AIFM3: variants seen among roughly 807,000 people sequenced by gnomAD.
AIFM3 encodes apoptosis-inducing factor 3.
In AIFM3, 71 loss-of-function variants were observed where a neutral mutation model predicts 82.7. The observed-to-expected ratio is 0.86, with a 90% CI of 0.71 to 1.05. AIFM3 has a LOEUF of 1.05. Ranked by LOEUF, AIFM3 falls within the 50% of genes least tolerant of loss-of-function variation. AIFM3 has a pLI of 0.00. For synonymous variants in AIFM3, 337 were observed against 329.1 expected, an observed-to-expected ratio of 1.02 and a Z score of -0.26; for missense variants, 748 against 816.7, an observed-to-expected ratio of 0.92 and a Z score of 1.03.
chr22:20,979,454 G>T (rs112262242), intron 17 of AIFM3, 85 bp downstream of exon 17: 1 of 1,475,856 alleles, frequency 6.8e-7, no homozygotes, highest in Non-Finnish European at 9.3e-7. Context: ...GAGCCTAGGG[G>T]CAGGGCTATG....
chr22:20,970,379 T>C (rs1314003292), intron 2 of AIFM3, among the ~76,000 whole-genome samples: 1 of 152,204 alleles, frequency 6.6e-6, no homozygotes, highest in Non-Finnish European at 1.5e-5. Flanking sequence ...CTAGAACTCC[T>C]GGGCTCAAGT....
rs1263249231 is a variant in AIFM3 at position 20,976,930 on chromosome 22, G to T, written c.1210G>T (p.Glu404Ter). 2 of 1,611,508 alleles carry T rather than the reference G, an allele frequency of 1.2e-6. No individual in the cohort carries two copies. Among genetic ancestry groups the T allele is most frequent in the Non-Finnish European group, 1.7e-6 (2 of 1,178,054 alleles). The change falls in exon 13 of 21, where the codon GAG becomes TAG. Residue 404 changes from glutamate to a stop codon, truncating the protein, a stop_gained. Coordinates refer to ENST00000440238, the MANE Select transcript of AIFM3 (RefSeq NM_001386814.1). LOFTEE classifies it high-confidence loss of function. ...QTEVSELRGQ[E>*]GKLKEVVLKS... The stretch of plus-strand genomic sequence containing the variant: ...GGAGGTGTCTGAGCTGCGGGGCCAG[G>T]AGGGAAAGGTGGGCCCTTCTCCCTT...
At chr22:20,970,754 C>G (rs1395219913) in intron 2 of AIFM3, among the ~76,000 whole-genome samples, 1 of 152,214 alleles carries the variant, frequency 6.6e-6, no homozygotes, top group Admixed American at 6.5e-5. Context: ...AGCCATCATT[C>G]CCGGCCAACT....
chr22:20,977,104 G>C lies in AIFM3; in HGVS notation c.1282+9G>C. ...CTGCGTGGTGGGCATTGGTGAGTTG[G>C]TGTGTGGGCAGGCAGGCACAAAGCA... On this transcript the variant is annotated intron_variant, in intron 14 of 20. Transcript: ENST00000440238. 1 of 1,613,990 alleles carries C rather than the reference G, an allele frequency of 6.2e-7. No individual in the cohort carries two copies. The highest frequency in any genetic ancestry group is 8.5e-7 in the Non-Finnish European group (1 of 1,180,014).
intron 8 of AIFM3, among the ~76,000 whole-genome samples, 177 bp downstream of exon 8, chr22:20,974,993 C>T (rs1923544496): frequency 1.3e-5 from 2 of 152,206 alleles, no homozygotes; most frequent in African/African-American, 4.8e-5. Context: ...GACAGGGTCT[C>T]ACTCTGTCGC....
In AIFM3 at chr22:20,980,355, C is replaced by T. The variant is rs560277109; in HGVS notation, c.1757+231C>T. The T allele has an allele frequency of 1.6e-4, 97 of 598,892 alleles. No homozygotes were observed. The South Asian group carries it at 1.8e-3, about 11-fold the overall frequency. 37.1% of individuals were successfully genotyped at this position (598,892 alleles called of 1,614,324 possible). On this transcript the variant is annotated intron_variant, in intron 19 of 20. Transcript: ENST00000440238. ...AGGGATAGAGATGTGTGTCACCAGG[C>T]AGGGCCAGTGCTGTGGGAAGGGGTC...
rs1270641280 is a variant in AIFM3 at position 20,976,205 on chromosome 22, G to A, written c.808-10G>A. 1.2e-6 allele frequency: 2 copies of A among 1,611,888 alleles called. No homozygotes were observed. The highest frequency in any genetic ancestry group is 1.7e-6 in the Non-Finnish European group (2 of 1,179,344). On this transcript the variant is annotated splice_polypyrimidine_tract_variant and intron_variant, in intron 9 of 20. Coordinates refer to ENST00000440238, the MANE Select transcript of AIFM3 (RefSeq NM_001386814.1). ...GCCCAAGCTCATGCTCTGCCTGGTG[G>A]GGATTGCAGGTGGTCACAGTGGACG...
chr22:20,974,684 C>T lies in AIFM3; in HGVS notation c.608-20C>T. 2 of 1,613,822 alleles carry T rather than the reference C, an allele frequency of 1.2e-6. No homozygotes were observed. Among genetic ancestry groups the T allele is most frequent in the Non-Finnish European group, 1.7e-6 (2 of 1,179,932 alleles). The stretch of plus-strand genomic sequence containing the variant: ...GGATTGGTGAGAAGTGGTTCCTGGC[C>T]CACGGGCCCCTCCCCTCAGGTGCAG... On this transcript the variant is annotated intron_variant, in intron 7 of 20. Coordinates refer to ENST00000440238, the MANE Select transcript of AIFM3 (RefSeq NM_001386814.1).
chr22:20,976,985 T>C, intron 13 of AIFM3, 47 bp downstream of exon 13: 1 of 1,614,134 alleles, frequency 6.2e-7, no homozygotes, highest in South Asian at 1.1e-5. Context: ...CTCTGTCCCC[T>C]GAGCCTGGGA....
intron 9 of AIFM3, 50 bp downstream of exon 9, chr22:20,975,828 G>A (rs776355836): frequency 1.3e-5 from 21 of 1,587,748 alleles, no homozygotes; most frequent in African/African-American, 8.0e-5. Context: ...GGTGGGAACC[G>A]TGAGGTTGTG....
At chr22:20,979,915 G>C (rs1923975523) in intron 18 of AIFM3, 105 bp from the exon 19 acceptor site, 2 of 1,205,538 alleles carry the variant, frequency 1.7e-6, no homozygotes, top group Admixed American at 4.4e-5. Context: ...TTGTTGCCCT[G>C]GGGTAGGTCC....
At chr22:20,973,592 GGGTCGGGGTTGGCCTGAA>G (rs60923626) in intron 3 of AIFM3, 72 bp downstream of exon 3, 30,277 of 1,497,488 alleles carry the variant, frequency 0.02, 2,338 homozygotes, top group Admixed American at 0.2. Context: ...CCATAGCCGG[GGGTCGGGGTTGGCCTGAA>G]GGGGCTATGA....
In AIFM3 at chr22:20,967,748, T is replaced by A. The variant is rs1024342798; in HGVS notation, c.-140-57T>A. 2.5e-5 allele frequency: 15 copies of A among 609,856 alleles called. No homozygotes were observed. In the East Asian group the frequency reaches 4.2e-4, roughly 17 times the overall value. 37.8% of individuals were successfully genotyped at this position (609,856 alleles called of 1,614,324 possible). ...AGCTCCCACTGTCTCTCTCCGTCCC[T>A]CTGTGTCTCTACCTGCCCACACGCC... On this transcript the variant is annotated intron_variant, in intron 1 of 20. Coordinates refer to ENST00000440238, the MANE Select transcript of AIFM3 (RefSeq NM_001386814.1).
intron 2 of AIFM3, among the ~76,000 whole-genome samples, chr22:20,972,521 C>A (rs962294345): frequency 2.6e-5 from 4 of 151,882 alleles, no homozygotes; most frequent in Admixed American, 2.6e-4. Context: ...AACAATGAAC[C>A]CTTGACTTCC....
rs574005038 is a variant in AIFM3, at chr22:20,967,781, T to C, written c.-140-24T>C. ...TCTACCTGCCCACACGCCCCGGTCC[T>C]GATGGCTCCAGTCTCCCCTGCAGGT... On this transcript the variant is annotated intron_variant, in intron 1 of 20. Coordinates refer to ENST00000440238, the MANE Select transcript of AIFM3 (RefSeq NM_001386814.1). 252 of 703,442 alleles carry C rather than the reference T, an allele frequency of 3.6e-4. 1 individual carries two copies. In the East Asian group the frequency reaches 6.5e-3, roughly 18 times the overall value. 43.6% of individuals were successfully genotyped at this position (703,442 alleles called of 1,614,324 possible).
At chr22:20,977,859 C>G (rs775730730) in intron 15 of AIFM3, 29 bp from the exon 16 acceptor site, 1 of 1,613,766 alleles carries the variant, frequency 6.2e-7, no homozygotes, top group Non-Finnish European at 8.5e-7. Context: ...CCTGTCACAC[C>G]CATGGAGCTC....
At position 20,973,497 on chromosome 22, in the gene AIFM3, C is replaced by T. The variant is rs536743540; in HGVS notation, c.222C>T (p.His74=). 17 of 1,612,512 alleles carry T rather than the reference C, an allele frequency of 1.1e-5. No homozygotes were observed. The highest frequency in any genetic ancestry group is 6.7e-5 in the African/African-American group (5 of 74,998). ...ATTGCGTGGAGGCTGCTGTCTGCCA[C>T]GTCAAGGACCTCGAGAATGGCCAGT... ...PQDCVEAAVC[H]VKDLENGQMR... is the part of the protein sequence containing the mutation. The change falls in exon 3 of 21, where the codon CAC becomes CAT. Residue 74 remains histidine, a synonymous_variant. Transcript: ENST00000440238.
rs762752706 is a variant in AIFM3, at chr22:20,974,688, G to A, written c.608-16G>A. ...TGGTGAGAAGTGGTTCCTGGCCCAC[G>A]GGCCCCTCCCCTCAGGTGCAGCTGG... On this transcript the variant is annotated splice_polypyrimidine_tract_variant and intron_variant, in intron 7 of 20. Coordinates refer to ENST00000440238, the MANE Select transcript of AIFM3 (RefSeq NM_001386814.1). The A allele has an allele frequency of 3.7e-6, 6 of 1,613,896 alleles. No homozygotes were observed. Among genetic ancestry groups the A allele is most frequent in the South Asian group, 1.1e-5 (1 of 91,018 alleles).
chr22:20,979,484 G>T (rs1232723268), intron 17 of AIFM3, 115 bp downstream of exon 17: 3 of 1,470,846 alleles, frequency 2.0e-6, no homozygotes, highest in Non-Finnish European at 2.8e-6. Context: ...GGAAGAGGCC[G>T]GTAAGAACTC....
Sources: allele counts gnomAD v4.1 joint callset (sites outside exome capture counted in the v4.1 genomes callset), GRCh38; gene constraint gnomAD v4.1.1; transcripts MANE v1.5; gene names NCBI Gene and HGNC (gene_info 2026-07-23, HGNC 2026-07-21).